The following EBF3 variants were observed in gnomAD, a reference collection of about 807,000 sequenced individuals.
The protein encoded by EBF3 is transcription factor COE3.
A neutral mutation model predicts 77.1 loss-of-function variants in EBF3; 18 were observed. That is an observed-to-expected ratio of 0.23 (90% CI 0.16 to 0.35). The LOEUF is 0.35. EBF3 is among the 10% of genes least tolerant of loss of function. EBF3 has a pLI of 1.00. For synonymous variants in EBF3, 350 were observed against 343.5 expected (o/e 1.02, Z -0.21); for missense variants, 558 against 860.0 (o/e 0.65, Z 4.39).
intron 6 of EBF3, among the ~76,000 whole-genome samples, chr10:129,917,651 C>CA (rs71481019): frequency 0.064 from 1,499 of 23,574 alleles, 388 homozygotes; most frequent in African/African-American, 0.2. Flanking sequence ...GACCCTGCCT[C>CA]AAAAAAAAAA....
At chr10:129,843,369 C>A in intron 11 of EBF3, 167 bp from the exon 12 acceptor site, 2 of 616,666 alleles carry the variant, frequency 3.2e-6, no homozygotes, top group South Asian at 4.6e-5. Flanking sequence ...AAGGCACGTG[C>A]GTGCTGACAA....
chr10:129,951,137 G>A (rs1275684270), intron 6 of EBF3, among the ~76,000 whole-genome samples: 2 of 152,344 alleles, frequency 1.3e-5, no homozygotes, highest in East Asian at 3.9e-4. Context: ...CTTTGACGAG[G>A]CCAGCTTCTC....
At chr10:129,884,796 G>A (rs575760889) in intron 6 of EBF3, among the ~76,000 whole-genome samples, 5 of 152,262 alleles carry the variant, frequency 3.3e-5, no homozygotes, top group South Asian at 4.2e-4. Flanking sequence ...AAATATCCAC[G>A]GCTTGACTTG....
chr10:129,865,086 GC>G (rs929398811), intron 10 of EBF3, among the ~76,000 whole-genome samples: 5 of 152,278 alleles, frequency 3.3e-5, no homozygotes, highest in Admixed American at 3.3e-4. Context: ...AGCCAGATGT[GC>G]CAAGGGACTC....
At chr10:129,950,989 C>T (rs560665994) in intron 6 of EBF3, among the ~76,000 whole-genome samples, 1 of 152,330 alleles carries the variant, frequency 6.6e-6, no homozygotes, top group African/African-American at 2.4e-5. Flanking sequence ...TTATCTTCTT[C>T]AACGTGTCTC....
At position 129,842,113 on chromosome 10, in the gene EBF3, T is replaced by C. The variant is rs779628419; in HGVS notation, c.1372+3A>G. The stretch of plus-strand genomic sequence containing the variant: ...CAGGGGTCCTCCCAGCATGCTGGCA[T>C]ACCTTGGTCGTTGGCTTGTGACGTC... On this transcript the variant is annotated splice_donor_region_variant and intron_variant, in intron 13 of 16. Coordinates refer to ENST00000440978, the MANE Select transcript of EBF3 (RefSeq NM_001375380.1). The surrounding 1 kb of genome is among the most constrained non-coding windows in gnomAD (Gnocchi z 4.4). 46 of 1,614,076 alleles carry C rather than the reference T, an allele frequency of 2.8e-5. No homozygotes were observed. The Middle Eastern group carries it at 9.9e-4, about 35-fold the overall frequency.
chr10:129,890,784 C>T (rs1158430008), intron 6 of EBF3, among the ~76,000 whole-genome samples: 2 of 152,188 alleles, frequency 1.3e-5, no homozygotes, highest in East Asian at 3.8e-4. Context: ...ACTTCATGCT[C>T]GTGATCTATT....
chr10:129,914,914 A>T (rs1486383313), intron 6 of EBF3, among the ~76,000 whole-genome samples: 2 of 152,234 alleles, frequency 1.3e-5, no homozygotes, highest in African/African-American at 4.8e-5. Context: ...GCCAGTGGCC[A>T]GAGGCTGAGA....
rs72837149 is a variant in EBF3 at position 129,870,550 on chromosome 10, C to T, written c.782-2638G>A. Reference sequence around the variant, plus strand: ...AAGGAGGCGTGGCGAGTCTCCCCTGCGGATCTGACATGCGCCACCATGACC... The same window carrying T: ...AAGGAGGCGTGGCGAGTCTCCCCTGTGGATCTGACATGCGCCACCATGACC... On this transcript the variant is annotated intron_variant, in intron 8 of 16. Coordinates refer to ENST00000440978, the MANE Select transcript of EBF3 (RefSeq NM_001375380.1). The surrounding 1 kb of genome is among the most constrained non-coding windows in gnomAD (Gnocchi z 4.4). 0.018 allele frequency among the ~76,000 whole-genome samples: 2,706 copies of T among 152,254 alleles called. 42 individuals carry two copies. The highest frequency in any genetic ancestry group is 0.026 in the Non-Finnish European group (1,736 of 68,018).
chr10:129,930,402 A>G (rs1856927693), intron 6 of EBF3, among the ~76,000 whole-genome samples: 1 of 149,728 alleles, frequency 6.7e-6, no homozygotes, highest in South Asian at 2.1e-4. Flanking sequence ...ATACCTGTCT[A>G]TATCTATCTC....
At chr10:129,913,980 G>A (rs566245771) in intron 6 of EBF3, among the ~76,000 whole-genome samples, 2 of 152,316 alleles carry the variant, frequency 1.3e-5, no homozygotes, top group East Asian at 1.9e-4. Flanking sequence ...ATGGTCTCTC[G>A]TCCTACCTGT....
In EBF3 at chr10:129,841,491, G is replaced by A. The variant is rs1850050680; in HGVS notation, c.1373-459C>T. On this transcript the variant is annotated intron_variant, in intron 13 of 16. Coordinates refer to ENST00000440978, the MANE Select transcript of EBF3 (RefSeq NM_001375380.1). This position sits in a 1 kb window ranked among gnomAD's most constrained non-coding sequence, Gnocchi z 4.6. ...ATTTCTATACATGGGGGCGTTCGGG[G>A]GACATGGAAGCTTCATTCCTGCCAT... Among the ~76,000 whole-genome samples the A allele has an allele frequency of 6.6e-6, 1 of 152,146 alleles. No homozygotes were observed. The highest frequency in any genetic ancestry group is 1.5e-5 in the Non-Finnish European group (1 of 68,034).
intron 6 of EBF3, among the ~76,000 whole-genome samples, chr10:129,927,632 T>A (rs763410791): frequency 7.2e-5 from 11 of 152,332 alleles, no homozygotes; most frequent in Middle Eastern, 6.8e-3. Context: ...CCTGAACCCA[T>A]GCCTCTGGAA....
chr10:129,852,454 T>G (rs1180918515), intron 10 of EBF3, among the ~76,000 whole-genome samples: 1 of 152,202 alleles, frequency 6.6e-6, no homozygotes, highest in Non-Finnish European at 1.5e-5. Flanking sequence ...CCAACCGGCC[T>G]GCTGCAATTA....
intron 4 of EBF3, among the ~76,000 whole-genome samples, chr10:129,959,874 A>G (rs556334264): frequency 6.6e-6 from 1 of 152,042 alleles, no homozygotes; most frequent in South Asian, 2.1e-4. Context: ...AGAAAGTGCT[A>G]ATGGCCAATC....
At chr10:129,878,839 A>AAAGAAAG (rs1852992947) in intron 6 of EBF3, among the ~76,000 whole-genome samples, 2 of 146,836 alleles carry the variant, frequency 1.4e-5, no homozygotes, top group Non-Finnish European at 3.0e-5. Flanking sequence ...AAAAAAAAAA[A>AAAGAAAG]AAAAAAATCT....
rs935664138 is a variant in EBF3, at chr10:129,835,780, G to A, written c.*2163C>T. ...AGTCCCTCCTTTTTGTTTTAAATTC[G>A]ATTTCTGCTGCAGTTTGCAAAATGT... On this transcript the variant is annotated 3_prime_UTR_variant, in exon 17 of 17. Coordinates refer to ENST00000440978, the MANE Select transcript of EBF3 (RefSeq NM_001375380.1). The A allele has an allele frequency of 8.6e-5, 13 of 151,724 alleles. No homozygotes were observed. The highest frequency in any genetic ancestry group is 2.7e-4 in the African/African-American group (11 of 41,168). The allele number at this position is 151,724 out of a possible 1,614,324, so 9.4% of individuals were successfully genotyped here.
chr10:129,926,922 G>C (rs1273139478), intron 6 of EBF3, among the ~76,000 whole-genome samples: 1 of 152,206 alleles, frequency 6.6e-6, no homozygotes, highest in Non-Finnish European at 1.5e-5. Context: ...CGGGGGACAG[G>C]CTGCAAGGTG....
intron 6 of EBF3, among the ~76,000 whole-genome samples, chr10:129,932,724 C>A (rs1162249605): frequency 6.6e-6 from 1 of 152,136 alleles, no homozygotes; most frequent in Non-Finnish European, 1.5e-5. Context: ...GGGAAACCAT[C>A]ACTTGTTCAA....
Sources: allele counts gnomAD v4.1 joint callset (sites outside exome capture counted in the v4.1 genomes callset), GRCh38; gene constraint gnomAD v4.1.1; non-coding constraint Gnocchi (gnomAD v3.1); transcripts MANE v1.5; gene names NCBI Gene and HGNC (gene_info 2026-07-23, HGNC 2026-07-21).